FOXP3: variants seen among roughly 807,000 people sequenced by gnomAD.
FOXP3 encodes the protein forkhead box P3, also known as forkhead box protein P3.
A neutral mutation model predicts 31.2 loss-of-function variants in FOXP3; 5 were observed. The ratio of observed to expected loss-of-function variants is 0.16; its 90% confidence interval spans 0.08 to 0.34. The LOEUF is 0.34. FOXP3 is among the 10% of genes least tolerant of loss of function. The pLI is 1.00. For synonymous variants in FOXP3, 141 were observed against 148.8 expected, an observed-to-expected ratio of 0.95 and a Z score of 0.38; for missense variants, 251 against 363.0, an observed-to-expected ratio of 0.69 and a Z score of 2.51.
intron 1 of FOXP3, chrX:49,259,133 A>G (rs2066095055): frequency 5.7e-6 from 3 of 522,019 alleles, no homozygotes; most frequent in Non-Finnish European, 1.1e-5. Flanking sequence ...GATCAGGAGC[A>G]GTGCTAGCAG....
chrX:49,253,163 A>G lies in FOXP3; in HGVS notation c.1007T>C (p.Met336Thr). ...HNMDYFKFHN[M>T]RPPFTYATLI... Reference sequence around the variant, plus strand: ...CGTGGCGTAGGTGAAAGGGGGTCGCATGTTGTGGAACTTGAAGTAGTCCAT... The same window carrying G: ...CGTGGCGTAGGTGAAAGGGGGTCGCGTGTTGTGGAACTTGAAGTAGTCCAT... The change falls in exon 10 of 12, where the codon ATG (methionine) becomes ACG (threonine). Residue 336 changes from methionine (M) to threonine (T), a missense_variant. By Grantham distance (81) the Met-to-Thr change is moderately conservative (BLOSUM62 -1). This residue lies in a region of FOXP3 where 57 missense variants were observed against 60.9 expected (regional missense o/e 0.94). Coordinates refer to ENST00000376207, the MANE Select transcript of FOXP3 (RefSeq NM_014009.4). 1.7e-6 allele frequency: 2 copies of G among 1,210,007 alleles called. No homozygotes were observed. The highest frequency in any genetic ancestry group is 2.3e-4 in the Middle Eastern group (1 of 4,350).
rs1557116448 is a variant in FOXP3, at chrX:49,256,912, C to T, written c.542+13G>A. 8.3e-7 allele frequency: 1 copy of T among 1,210,602 alleles called. No individual in the cohort carries two copies. The highest frequency in any genetic ancestry group is 1.1e-6 in the Non-Finnish European group (1 of 894,159). On this transcript the variant is annotated intron_variant, in intron 5 of 11. Transcript: ENST00000376207. ...TAGGAGGGCGAGGATCCTTCCCAGC[C>T]CTGTCCACTGACCTGTCCTTCCTGG... is the stretch of plus-strand genomic sequence containing the variant.
At position 49,255,431 on chromosome X, in the gene FOXP3, C is replaced by T. The variant is rs1557116150; in HGVS notation, c.814G>A (p.Val272Met). The part of the protein sequence containing the change: ...GKMALTKASS[V>M]ASSDKGSCCI... ...CCACCAGTCCTGGGGTCGCTCACCA[C>T]AGATGAAGCCTTGGTCAGTGCCATT... The change falls in exon 8 of 12, where the codon GTG becomes ATG. Residue 272 changes from valine to methionine, a missense_variant and splice_region_variant. Physicochemically the swap from Val to Met is conservative, Grantham distance 21. This residue lies in a region of FOXP3 where 57 missense variants were observed against 60.9 expected (regional missense o/e 0.94). Coordinates refer to ENST00000376207, the MANE Select transcript of FOXP3 (RefSeq NM_014009.4). The T allele has an allele frequency of 3.3e-6, 4 of 1,201,983 alleles. No homozygotes were observed. In the Admixed American group the frequency reaches 6.7e-5, roughly 20 times the overall value.
chrX:49,263,765 T>A (rs2066123886), intron 1 of FOXP3, among the ~76,000 whole-genome samples: 1 of 111,819 alleles, frequency 8.9e-6, no homozygotes, highest in African/African-American at 3.3e-5. Flanking sequence ...GTTTGCTTCC[T>A]GAATATGGAC....
At chrX:49,261,596 T>G (rs2066110502) in intron 1 of FOXP3, among the ~76,000 whole-genome samples, 1 of 112,696 alleles carries the variant, frequency 8.9e-6, no homozygotes, top group Admixed American at 9.3e-5. Context: ...TCTGGCCAAC[T>G]AGGCCTCCTG....
At chrX:49,256,186 GTATT>G (rs1219702388) in intron 6 of FOXP3, among the ~76,000 whole-genome samples, 3 of 105,948 alleles carry the variant, frequency 2.8e-5, no homozygotes, top group Non-Finnish European at 5.8e-5. Context: ...AGTGTGGTGT[GTATT>G]TGTGTGTGTG....
intron 10 of FOXP3, among the ~76,000 whole-genome samples, chrX:49,252,505 CG>C (rs1373879588): frequency 1.8e-5 from 2 of 109,599 alleles, no homozygotes; most frequent in African/African-American, 6.7e-5. Flanking sequence ...CAGAGACAGT[CG>C]GGGAATATCT....
At chrX:49,255,300 TTGGA>T (rs2066062191) in intron 8 of FOXP3, 125 bp downstream of exon 8, 1 of 584,374 alleles carries the variant, frequency 1.7e-6, no homozygotes, top group Admixed American at 2.7e-5. Context: ...CTGGGCATGT[TTGGA>T]GCTGGGGACA....
In FOXP3 at chrX:49,250,753, C is replaced by T. The variant is rs1296295919; in HGVS notation, c.*581G>A. On this transcript the variant is annotated 3_prime_UTR_variant, in exon 12 of 12. Transcript: ENST00000376207. ...GGACCTCAGATCCTGAGGGTACTGA[C>T]GCTGCTTCTGTGTAGGCCTCTGGGC... The T allele has an allele frequency of 4.4e-5, 11 of 251,760 alleles. No homozygotes were observed. The highest frequency in any genetic ancestry group is 2.3e-4 in the Admixed American group (4 of 17,685). The allele number at this position is 251,760 out of a possible 1,213,427, so 20.7% of individuals were successfully genotyped here.
chrX:49,252,830 C>T (rs2066042514), intron 10 of FOXP3, among the ~76,000 whole-genome samples: 2 of 109,342 alleles, frequency 1.8e-5, no homozygotes, highest in East Asian at 2.9e-4. Flanking sequence ...TTTTATGGGT[C>T]CAGGAGAGGG....
Position 49,257,437 on chromosome X carries a change from G to A in FOXP3, c.444C>T (p.Gly148=), listed in dbSNP as rs1557116523. The change falls in exon 4 of 12, where the codon GGC becomes GGT. Residue 148 remains glycine, a synonymous_variant. Coordinates refer to ENST00000376207, the MANE Select transcript of FOXP3 (RefSeq NM_014009.4). ...TGVFSLKARP[G]LPPGINVASL... The stretch of plus-strand genomic sequence containing the variant: ...GGGCTGAGGTGTTACCAGGTGGGAG[G>A]CCAGGCCGGGCCTTGAGGGAGAAGA... 1.8e-5 allele frequency: 21 copies of A among 1,140,396 alleles called. No homozygotes were observed. Among genetic ancestry groups the A allele is most frequent in the Non-Finnish European group, 2.4e-5 (21 of 861,355 alleles). The allele number at this position is 1,140,396 out of a possible 1,213,427, so 94.0% of individuals were successfully genotyped here.
At chrX:49,256,624 C>A in intron 6 of FOXP3, 127 bp downstream of exon 6, 1 of 569,055 alleles carries the variant, frequency 1.8e-6, no homozygotes, top group Non-Finnish European at 3.0e-6. Flanking sequence ...GGATTTGAAC[C>A]CACAGTCTCA....
chrX:49,254,425 C>A (rs1182671400), intron 8 of FOXP3, among the ~76,000 whole-genome samples: 3 of 112,382 alleles, frequency 2.7e-5, no homozygotes, highest in Non-Finnish European at 5.6e-5. Context: ...AGCCACTGCG[C>A]CTGGCTCCAC....
intron 1 of FOXP3, among the ~76,000 whole-genome samples, chrX:49,261,676 C>T (rs1228992959): frequency 3.6e-5 from 4 of 112,230 alleles, no homozygotes; most frequent in Non-Finnish European, 5.6e-5. Context: ...GATCGTGGAT[C>T]GTCCAACCTG....
chrX:49,254,600 C>G (rs1240858175), intron 8 of FOXP3, among the ~76,000 whole-genome samples: 14 of 111,826 alleles, frequency 1.3e-4, no homozygotes, highest in African/African-American at 4.6e-4. Context: ...GAATAGGGCT[C>G]TTTACCACCC....
intron 7 of FOXP3, 46 bp from the exon 8 acceptor site, chrX:49,255,555 C>T: frequency 1.7e-6 from 2 of 1,144,552 alleles, no homozygotes; most frequent in Middle Eastern, 2.4e-4. Context: ...CCCTTCTCTG[C>T]CACATCTTTG....
chrX:49,263,559 T>A (rs1480884879), intron 1 of FOXP3, among the ~76,000 whole-genome samples: 1 of 112,563 alleles, frequency 8.9e-6, no homozygotes, highest in African/African-American at 3.2e-5. Context: ...TCATGAAAGA[T>A]CATGTGTTCA....
At chrX:49,263,191 A>AAAAAAAAAAAG (rs1187224809) in intron 1 of FOXP3, among the ~76,000 whole-genome samples, 1 of 108,634 alleles carries the variant, frequency 9.2e-6, no homozygotes. Context: ...AAAAAAAAAA[A>AAAAAAAAAAAG]GCATGAATGG....
rs1197667032 is a variant in FOXP3, at chrX:49,264,020, CT to C, written c.-23+640del. Among the ~76,000 whole-genome samples, 4 of 111,923 alleles carry C rather than the reference CT, an allele frequency of 3.6e-5. No homozygotes were observed. The East Asian group carries it at 1.1e-3, about 31-fold the overall frequency. ...CGACATTACTATTATTAAACGCCAG[CT>C]GTGTACAAAGCTCTAGGCTGGATGC... is the stretch of plus-strand genomic sequence containing the variant. On this transcript the variant is annotated intron_variant, in intron 1 of 11. Coordinates refer to ENST00000376207, the MANE Select transcript of FOXP3 (RefSeq NM_014009.4).
Sources: gnomAD v4.1 joint callset for allele counts (sites outside exome capture counted in the v4.1 genomes callset) on GRCh38, gnomAD v4.1.1 for gene constraint, gnomAD v4.1.1 regional missense constraint, MANE v1.5 for transcripts, NCBI Gene and HGNC (gene_info 2026-07-23, HGNC 2026-07-21) for gene names.